The following VRK2 variants were observed in gnomAD, a reference collection of about 807,000 sequenced individuals.
VRK2 encodes the protein VRK serine/threonine kinase 2, also known as serine/threonine-protein kinase VRK2.
In VRK2, 60 loss-of-function variants were observed where a neutral mutation model predicts 57.6. That is an observed-to-expected ratio of 1.04 (90% CI 0.85 to 1.29). The LOEUF (loss-of-function observed/expected upper bound fraction) is 1.29. VRK2 is among the 50% of genes most tolerant of loss of function. VRK2 has a pLI of 0.00. For synonymous variants in VRK2, 231 were observed against 199.2 expected (o/e 1.16, Z -1.35); for missense variants, 705 against 588.1 (o/e 1.20, Z -2.06).
intron 7 of VRK2, among the ~76,000 whole-genome samples, chr2:58,118,353 G>A (rs545058756): frequency 1.3e-5 from 2 of 152,366 alleles, no homozygotes; most frequent in African/African-American, 4.8e-5. Flanking sequence ...ATCAAGGGAA[G>A]GCTGCCGTCC....
chr2:58,043,121 CTTTA>C (rs1053535578), upstream of VRK2, among the ~76,000 whole-genome samples: 9 of 152,096 alleles, frequency 5.9e-5, no homozygotes, highest in Admixed American at 1.3e-4. Flanking sequence ...AAACTTGAAA[CTTTA>C]TTTTACTGTT....
intron 1 of VRK2, among the ~76,000 whole-genome samples, chr2:57,913,408 C>T (rs1207402157): frequency 6.6e-6 from 1 of 152,176 alleles, no homozygotes; most frequent in Non-Finnish European, 1.5e-5. Flanking sequence ...AATATTTCCT[C>T]ATCAAAAGAT....
chr2:57,992,697 C>T (rs1402974047), intron 1 of VRK2, among the ~76,000 whole-genome samples: 3 of 151,982 alleles, frequency 2.0e-5, no homozygotes, highest in African/African-American at 4.8e-5. Flanking sequence ...CCACCGCGCC[C>T]GGCTAATTTT....
intron 1 of VRK2, among the ~76,000 whole-genome samples, chr2:58,013,564 T>G (rs567960763): frequency 3.3e-5 from 5 of 152,328 alleles, no homozygotes; most frequent in Admixed American, 2.6e-4. Flanking sequence ...AAAACAGATA[T>G]GATTCTTGCC....
intron 1 of VRK2, among the ~76,000 whole-genome samples, chr2:57,991,433 T>G (rs879821780): frequency 6.6e-6 from 1 of 151,766 alleles, no homozygotes; most frequent in Non-Finnish European, 1.5e-5. Flanking sequence ...CTGGATATAG[T>G]TACCCAGGGA....
Position 57,951,683 on chromosome 2 carries a change from G to C in VRK2, c.-439+43844G>C, listed in dbSNP as rs146451000. ...TCAGCAGTCATGTACACTGAGGCAAGACCCTCTACCAGCAAAACAATTATG... is the reference window on the plus strand; with the variant it reads ...TCAGCAGTCATGTACACTGAGGCAACACCCTCTACCAGCAAAACAATTATG... On this transcript the variant is annotated intron_variant, in intron 1 of 15. Coordinates refer to the VRK2 transcript ENST00000417641. 4.4e-3 allele frequency among the ~76,000 whole-genome samples: 664 copies of C among 152,292 alleles called. 4 individuals are homozygous for C. The highest frequency in any genetic ancestry group is 0.025 in the South Asian group (123 of 4,828).
At chr2:57,978,596 A>G (rs1183190054) in intron 1 of VRK2, among the ~76,000 whole-genome samples, 1 of 150,750 alleles carries the variant, frequency 6.6e-6, no homozygotes, top group East Asian at 1.9e-4. Flanking sequence ...GTGCCACATC[A>G]CTAGAGACAT....
intron 1 of VRK2, among the ~76,000 whole-genome samples, chr2:57,990,349 G>C (rs1672724729): frequency 6.6e-6 from 1 of 152,164 alleles, no homozygotes; most frequent in Admixed American, 6.5e-5. Context: ...GACTACAAAA[G>C]AGATCACTGG....
intron 1 of VRK2, among the ~76,000 whole-genome samples, chr2:57,920,226 C>A (rs1670296778): frequency 6.6e-6 from 1 of 152,040 alleles, no homozygotes; most frequent in African/African-American, 2.4e-5. Flanking sequence ...TACACTCTTC[C>A]CATATTTATA....
intron 1 of VRK2, among the ~76,000 whole-genome samples, chr2:57,954,461 T>G (rs1671520301): frequency 6.6e-6 from 1 of 152,140 alleles, no homozygotes; most frequent in Admixed American, 6.5e-5. Flanking sequence ...ACATGTTGTT[T>G]CTTGACTCCT....
chr2:58,145,395 C>T (rs947006260), intron 11 of VRK2, among the ~76,000 whole-genome samples: 1 of 151,882 alleles, frequency 6.6e-6, no homozygotes, highest in Non-Finnish European at 1.5e-5. Flanking sequence ...TCACAAGCTC[C>T]TTTTATATAT....
chr2:58,151,149 T>A (rs1027564939), intron 12 of VRK2, among the ~76,000 whole-genome samples: 17 of 151,922 alleles, frequency 1.1e-4, no homozygotes, highest in Admixed American at 3.3e-4. Context: ...CCTCGTTTTA[T>A]CATTTAATGA....
In VRK2 at chr2:58,079,438, A is replaced by G. The variant is rs893423047; in HGVS notation, c.137-4651A>G. ...CTTGCCCCAATTATTACTTGCCCCA[A>G]TTATTACTGTGACATTTGCCAAATG... is the stretch of plus-strand genomic sequence containing the variant. On this transcript the variant is annotated intron_variant, in intron 2 of 12. Coordinates refer to ENST00000340157, the MANE Select transcript of VRK2 (RefSeq NM_006296.7). Among the ~76,000 whole-genome samples, 33 of 152,170 alleles carry G rather than the reference A, an allele frequency of 2.2e-4. 1 individual carries two copies. Among genetic ancestry groups the G allele is most frequent in the South Asian group, 6.2e-4 (3 of 4,824 alleles).
chr2:57,938,887 C>G (rs150224007), intron 1 of VRK2, among the ~76,000 whole-genome samples: 1 of 152,114 alleles, frequency 6.6e-6, no homozygotes, highest in African/African-American at 2.4e-5. Context: ...CTTTCCTCTT[C>G]TTTTGGAAAA....
chr2:58,091,392 TA>T (rs1273641807), intron 7 of VRK2, among the ~76,000 whole-genome samples: 3 of 152,102 alleles, frequency 2.0e-5, no homozygotes, highest in Admixed American at 6.5e-5. Context: ...AAAACTTCTC[TA>T]AAAAATATAG....
At chr2:57,952,432 G>A (rs138899861) in intron 1 of VRK2, among the ~76,000 whole-genome samples, 14 of 152,262 alleles carry the variant, frequency 9.2e-5, no homozygotes, top group African/African-American at 3.1e-4. Context: ...AAACGAAAGA[G>A]GGAATTAACA....
intron 3 of VRK2, among the ~76,000 whole-genome samples, chr2:58,033,913 A>G (rs1277210434): frequency 6.6e-6 from 1 of 151,988 alleles, no homozygotes. Flanking sequence ...ATCTGATACA[A>G]TTTCCTACTA....
intron 7 of VRK2, among the ~76,000 whole-genome samples, chr2:58,118,384 A>T (rs1676862930): frequency 1.3e-5 from 2 of 152,234 alleles, no homozygotes; most frequent in South Asian, 4.1e-4. Flanking sequence ...CCGGCACCGG[A>T]GTTTTGGGTC....
chr2:57,954,181 T>C (rs2103983380), intron 1 of VRK2, among the ~76,000 whole-genome samples: 1 of 152,308 alleles, frequency 6.6e-6, no homozygotes, highest in East Asian at 1.9e-4. Flanking sequence ...TTGCATTTAG[T>C]GGGCTTTTCA....
Sources: allele counts gnomAD v4.1 joint callset (sites outside exome capture counted in the v4.1 genomes callset), GRCh38; gene constraint gnomAD v4.1.1; transcripts MANE v1.5; gene names NCBI Gene and HGNC (gene_info 2026-07-23, HGNC 2026-07-21).